Variants in UBXN2A observed in about 807,000 individuals in gnomAD.
UBXN2A encodes UBX domain protein 2A.
In UBXN2A, 28 loss-of-function variants were observed where a neutral mutation model predicts 28.4. That is an observed-to-expected ratio of 0.99 (90% CI 0.73 to 1.35). The LOEUF is 1.35. Among genes scored for constraint, UBXN2A ranks in the 40% most tolerant of loss-of-function variants. UBXN2A has a pLI of 0.00. For synonymous variants in UBXN2A, 97 were observed against 103.6 expected (o/e 0.94, Z 0.39); for missense variants, 253 against 297.9 (o/e 0.85, Z 1.11).
At chr2:23,945,815 CT>C (rs550146473) in intron 1 of UBXN2A, among the ~76,000 whole-genome samples, 201 of 148,774 alleles carry the variant, frequency 1.4e-3, no homozygotes, top group African/African-American at 4.2e-3. Context: ...GCATTTAATT[CT>C]TTTTTTTTCT....
At chr2:23,994,392 A>G (rs1480602105) in intron 6 of UBXN2A, among the ~76,000 whole-genome samples, 11 of 151,970 alleles carry the variant, frequency 7.2e-5, no homozygotes, top group African/African-American at 2.7e-4. Flanking sequence ...ATGTTCTCGT[A>G]TTTTATTCTC....
intron 1 of UBXN2A, among the ~76,000 whole-genome samples, chr2:23,950,342 T>A (rs894523340): frequency 6.6e-6 from 1 of 152,158 alleles, no homozygotes; most frequent in South Asian, 2.1e-4. Context: ...CATGTTATGC[T>A]TTTGAGATAA....
Position 23,929,358 on chromosome 2 carries a change from T to C in UBXN2A, c.-138+1743T>C, listed in dbSNP as rs1705301209. On this transcript the variant is annotated intron_variant, in intron 1 of 7. Transcript: ENST00000404924. ...TCCAGGCTGCAGTGAGCCAAGTTCA[T>C]GCCATTGTACTTTAGCCTGGGTGAC... Among the ~76,000 whole-genome samples, 11 of 150,718 alleles carry C rather than the reference T, an allele frequency of 7.3e-5. No individual in the cohort carries two copies. In the Admixed American group the frequency reaches 7.3e-4, roughly 10 times the overall value.
intron 1 of UBXN2A, among the ~76,000 whole-genome samples, chr2:23,948,945 CTTTT>C (rs777506305): frequency 1.5e-5 from 2 of 131,808 alleles, no homozygotes; most frequent in Non-Finnish European, 3.2e-5. Context: ...TCTCTTGTAG[CTTTT>C]TTTTTTTTTT....
chr2:23,931,855 A>G (rs1433229365), intron 1 of UBXN2A, among the ~76,000 whole-genome samples: 2 of 152,086 alleles, frequency 1.3e-5, no homozygotes, highest in Non-Finnish European at 2.9e-5. Context: ...TACTACAGAT[A>G]CAAAAATTAG....
chr2:23,975,742 G>A (rs950684091), intron 3 of UBXN2A, among the ~76,000 whole-genome samples: 3 of 152,024 alleles, frequency 2.0e-5, no homozygotes, highest in Non-Finnish European at 4.4e-5. Flanking sequence ...GGGTTCAAGC[G>A]ATTCTCCTAC....
At chr2:23,993,454 A>G (rs1708422467) in intron 6 of UBXN2A, among the ~76,000 whole-genome samples, 1 of 151,918 alleles carries the variant, frequency 6.6e-6, no homozygotes, top group Admixed American at 6.6e-5. Flanking sequence ...ACCTGCTGGG[A>G]TTATAGGCTT....
intron 2 of UBXN2A, among the ~76,000 whole-genome samples, chr2:23,967,295 A>G (rs978280470): frequency 6.6e-6 from 1 of 152,158 alleles, no homozygotes; most frequent in Non-Finnish European, 1.5e-5. Context: ...AAATAACATG[A>G]AGGAATGAAA....
intron 6 of UBXN2A, among the ~76,000 whole-genome samples, chr2:23,991,802 TG>T (rs1480854604): frequency 1.3e-5 from 2 of 151,516 alleles, no homozygotes; most frequent in African/African-American, 2.4e-5. Flanking sequence ...TGTTTTGTTT[TG>T]TTTTTTTGAG....
At chr2:23,945,086 A>AG (rs1705996440) in intron 1 of UBXN2A, among the ~76,000 whole-genome samples, 1 of 152,228 alleles carries the variant, frequency 6.6e-6, no homozygotes, top group South Asian at 2.1e-4. Context: ...ATTAAAAAAA[A>AG]GGGGGGAGGG....
upstream of UBXN2A, among the ~76,000 whole-genome samples, chr2:23,938,398 G>A (rs183569414): frequency 1.3e-3 from 196 of 152,026 alleles, 4 homozygotes; most frequent in African/African-American, 4.3e-3. Flanking sequence ...CCTGGGAGGC[G>A]GAGGTTATAG....
At chr2:23,949,981 G>A (rs1706282002) in intron 1 of UBXN2A, among the ~76,000 whole-genome samples, 2 of 151,672 alleles carry the variant, frequency 1.3e-5, no homozygotes, top group Admixed American at 6.6e-5. Flanking sequence ...ATCCATCACT[G>A]GAATAATTTC....
chr2:23,996,000 G>T (rs1708516658), intron 6 of UBXN2A, among the ~76,000 whole-genome samples: 1 of 150,840 alleles, frequency 6.6e-6, no homozygotes, highest in African/African-American at 2.4e-5. Context: ...CCAGGTTCGA[G>T]CAATTCTCCT....
At chr2:23,929,042 C>T (rs1241498317) in intron 1 of UBXN2A, among the ~76,000 whole-genome samples, 1 of 152,164 alleles carries the variant, frequency 6.6e-6, no homozygotes, top group African/African-American at 2.4e-5. Flanking sequence ...GTATTCTCAG[C>T]ACTTGGAGGC....
chr2:23,971,111 T>G (rs1193067147), intron 2 of UBXN2A, among the ~76,000 whole-genome samples, 165 bp from the exon 3 acceptor site: 1 of 152,148 alleles, frequency 6.6e-6, no homozygotes, highest in Non-Finnish European at 1.5e-5. Context: ...TGCTCTGGAC[T>G]AAAAAGGGGT....
intron 2 of UBXN2A, among the ~76,000 whole-genome samples, chr2:23,965,550 G>A (rs761067970): frequency 2.6e-5 from 4 of 152,112 alleles, no homozygotes; most frequent in Non-Finnish European, 4.4e-5. Flanking sequence ...CTGCAGCCTC[G>A]CATACCTAGG....
chr2:23,970,416 TG>T (rs1707365973), intron 2 of UBXN2A, among the ~76,000 whole-genome samples: 1 of 152,076 alleles, frequency 6.6e-6, no homozygotes, highest in Non-Finnish European at 1.5e-5. Flanking sequence ...GTTATAACAC[TG>T]GGGATTGGGG....
intron 1 of UBXN2A, among the ~76,000 whole-genome samples, chr2:23,955,180 C>T (rs918213444): frequency 1.3e-5 from 2 of 152,098 alleles, no homozygotes; most frequent in South Asian, 2.1e-4. Context: ...ATTCGCCCAC[C>T]TCGGCCTCCC....
intron 6 of UBXN2A, among the ~76,000 whole-genome samples, chr2:23,989,334 C>T (rs1469757621): frequency 1.4e-5 from 2 of 145,914 alleles, no homozygotes; most frequent in African/African-American, 2.5e-5. Flanking sequence ...GACAGGGTCT[C>T]ACTCTGTCTC....
Sources: allele counts gnomAD v4.1 joint callset (sites outside exome capture counted in the v4.1 genomes callset), GRCh38; gene constraint gnomAD v4.1.1; transcripts MANE v1.5; gene names NCBI Gene and HGNC (gene_info 2026-07-23, HGNC 2026-07-21).